OGDH: variants seen among roughly 807,000 people sequenced by gnomAD.
The protein encoded by OGDH is oxoglutarate dehydrogenase.
Under a neutral mutation model 116.6 loss-of-function variants are expected in OGDH, and 38 were observed. That is an observed-to-expected ratio of 0.33 (90% CI 0.25 to 0.43). The LOEUF is 0.43. OGDH is among the 20% of genes least tolerant of loss of function. OGDH has a pLI of 1.00. For synonymous variants in OGDH, 488 were observed against 533.3 expected (o/e 0.92, Z 1.17); for missense variants, 825 against 1,357.2 (o/e 0.61, Z 6.16).
chr7:44,671,654 GC>G (rs903131305), intron 5 of OGDH, among the ~76,000 whole-genome samples: 5 of 151,248 alleles, frequency 3.3e-5, no homozygotes, highest in Non-Finnish European at 7.4e-5. Context: ...TATAGTCCCA[GC>G]TACTCGGGAG....
chr7:44,685,029 G>A (rs1031956348), intron 10 of OGDH, among the ~76,000 whole-genome samples: 18 of 151,998 alleles, frequency 1.2e-4, no homozygotes, highest in African/African-American at 3.4e-4. Context: ...CTCATGATCC[G>A]CCTGCTTCAG....
At chr7:44,670,321 A>T (rs1210158760) in intron 5 of OGDH, among the ~76,000 whole-genome samples, 1 of 152,204 alleles carries the variant, frequency 6.6e-6, no homozygotes. Flanking sequence ...AAACAGCAGT[A>T]GTGATGAAGG....
intron 9 of OGDH, among the ~76,000 whole-genome samples, chr7:44,679,383 G>A (rs78833140): frequency 0.01 from 1,582 of 152,270 alleles, 24 homozygotes; most frequent in African/African-American, 0.036. Context: ...AGATCCTTAC[G>A]TCCACATGCT....
chr7:44,633,616 A>G (rs79271269), intron 2 of OGDH, among the ~76,000 whole-genome samples: 1,613 of 152,210 alleles, frequency 0.011, 28 homozygotes, highest in African/African-American at 0.037. Context: ...CGCGTCCATG[A>G]TTGGATCGTG....
intron 1 of OGDH, among the ~76,000 whole-genome samples, chr7:44,613,973 A>T (rs770831422): frequency 6.7e-6 from 1 of 149,860 alleles, no homozygotes; most frequent in Non-Finnish European, 1.5e-5. Context: ...CTCCCAGCTA[A>T]TTTTGTATTT....
Position 44,697,240 on chromosome 7 carries a change from G to T in OGDH, c.2052-130G>T, listed in dbSNP as rs1788626901. 6.8e-7 allele frequency: 1 copy of T among 1,472,796 alleles called. No homozygotes were observed. The allele number at this position is 1,472,796 out of a possible 1,614,324, so 91.2% of individuals were successfully genotyped here. A position where few individuals can be genotyped will look rare whatever the true frequency, so the allele number is the denominator to read the frequency against. ...CTTCTGTTAAGACCTGGGTGGGGCCGACCCTGCAGCTGCCTGGCCAGAAGT... is the reference window on the plus strand; with the variant it reads ...CTTCTGTTAAGACCTGGGTGGGGCCTACCCTGCAGCTGCCTGGCCAGAAGT... On this transcript the variant is annotated intron_variant, in intron 15 of 22. Coordinates refer to ENST00000222673, the MANE Select transcript of OGDH (RefSeq NM_002541.4). This position sits in a 1 kb window ranked among gnomAD's most constrained non-coding sequence, Gnocchi z 6.0.
intron 2 of OGDH, among the ~76,000 whole-genome samples, chr7:44,644,878 C>T (rs1786099103): frequency 6.6e-6 from 1 of 152,180 alleles, no homozygotes; most frequent in African/African-American, 2.4e-5. Context: ...CACAGAAAAA[C>T]TGGTAGAGTT....
intron 4 of OGDH, 145 bp from the exon 5 acceptor site, chr7:44,666,591 C>T: frequency 2.5e-6 from 1 of 403,908 alleles, no homozygotes; most frequent in Non-Finnish European, 4.4e-6. Flanking sequence ...ACTTATTTCA[C>T]ATATATCAGG....
In OGDH at chr7:44,669,145, CTTTTTTTTTT is replaced by C. The variant is rs869250474; in HGVS notation, c.633+2310_633+2319del. ...GAGTCCCCTGTGGGGAGCCCGGCAGCTTTTTTTTTTTTTTTTTTTTTTTTTGAGACAGGGT... is the reference window on the plus strand; with the variant it reads ...GAGTCCCCTGTGGGGAGCCCGGCAGCTTTTTTTTTTTTTTTGAGACAGGGT... On this transcript the variant is annotated intron_variant, in intron 5 of 22. Coordinates refer to ENST00000222673, the MANE Select transcript of OGDH (RefSeq NM_002541.4). Among the ~76,000 whole-genome samples the C allele has an allele frequency of 2.6e-4, 20 of 77,806 alleles. 1 individual carries two copies. The East Asian group carries it at 7.5e-3, about 29-fold the overall frequency. The allele number at this position is 77,806 out of a possible 152,430, so 51.0% of individuals were successfully genotyped here.
In OGDH at chr7:44,673,935, C is replaced by G; in HGVS notation, c.782C>G (p.Ser261Cys). Reference protein sequence around the residue: ...KRTLLARLVRSTRFEEFLQRK... With the variant: ...KRTLLARLVRCTRFEEFLQRK... ...ACCCTGCTGGCCAGGCTTGTGCGGT[C>G]CACCAGGTATGGGTCTGGCCCTGGG... Residue 261 changes from serine to cysteine, a missense_variant, in exon 6 of 23, where the codon TCC becomes TGC. Transcript: ENST00000222673. 2 of 1,614,194 alleles carry G rather than the reference C, an allele frequency of 1.2e-6. No homozygotes were observed. Among genetic ancestry groups the G allele is most frequent in the Non-Finnish European group, 1.7e-6 (2 of 1,180,026 alleles).
intron 1 of OGDH, among the ~76,000 whole-genome samples, chr7:44,614,058 G>C (rs148780799): frequency 6.6e-6 from 1 of 151,892 alleles, no homozygotes; most frequent in Admixed American, 6.6e-5. Flanking sequence ...CGCTCGCCTC[G>C]GCCTCCCAAA....
intron 6 of OGDH, 22 bp downstream of exon 6, chr7:44,673,963 A>T: frequency 6.2e-7 from 1 of 1,613,656 alleles, no homozygotes; most frequent in Admixed American, 1.7e-5. Flanking sequence ...GCCCTGGGCC[A>T]TGGGGCAGAC....
In OGDH at chr7:44,707,026, A is replaced by C. The variant is rs1376408049; in HGVS notation, c.2633-199A>C. ...CCAGAGCTGGCCATGTCTGCTGTGT[A>C]TTTGTTACACGTAACGTGCTTTTCA... is the stretch of plus-strand genomic sequence containing the variant. On this transcript the variant is annotated intron_variant, in intron 20 of 22. Transcript: ENST00000222673. This position sits in a 1 kb window ranked among gnomAD's most constrained non-coding sequence, Gnocchi z 5.2. Among the ~76,000 whole-genome samples, 1 of 152,184 alleles carries C rather than the reference A, an allele frequency of 6.6e-6. No homozygotes were observed. The highest frequency in any genetic ancestry group is 1.5e-5 in the Non-Finnish European group (1 of 68,034).
In OGDH at chr7:44,674,863, G is replaced by C. The variant is rs182540941; in HGVS notation, c.935+306G>C. On this transcript the variant is annotated intron_variant, in intron 7 of 22. Coordinates refer to ENST00000222673, the MANE Select transcript of OGDH (RefSeq NM_002541.4). ...TGTTGGGGTCTAACCTGGAGGGAAG[G>C]CTGCTTCCTGACATTGAAGGGGAGG... 14 of 530,828 alleles carry C rather than the reference G, an allele frequency of 2.6e-5. No individual in the cohort carries two copies. The East Asian group carries it at 3.9e-4, about 15-fold the overall frequency. The allele number at this position is 530,828 out of a possible 1,614,324, so 32.9% of individuals were successfully genotyped here. A position where few individuals can be genotyped will look rare whatever the true frequency, so the allele number is the denominator to read the frequency against.
At chr7:44,665,986 G>A (rs932117244) in intron 4 of OGDH, among the ~76,000 whole-genome samples, 6 of 152,208 alleles carry the variant, frequency 3.9e-5, no homozygotes, top group Admixed American at 2.6e-4. Flanking sequence ...GTGCTGCAGC[G>A]AATATTAGTG....
rs1468767356 is a variant in OGDH at position 44,696,910 on chromosome 7, G to A, written c.1901-4G>A. 3.1e-6 allele frequency: 5 copies of A among 1,605,324 alleles called. No individual in the cohort carries two copies. Among genetic ancestry groups the A allele is most frequent in the Non-Finnish European group, 4.3e-6 (5 of 1,175,092 alleles). ...AGCAGCTGGTGAGAGCTGTGTCTCT[G>A]CAGGGCTGAGCCGGATCTTGAAGAC... On this transcript the variant is annotated splice_region_variant and splice_polypyrimidine_tract_variant and intron_variant, in intron 14 of 22. Coordinates refer to ENST00000222673, the MANE Select transcript of OGDH (RefSeq NM_002541.4).
At chr7:44,695,967 G>A in intron 12 of OGDH, 58 bp from the exon 13 acceptor site, 1 of 913,738 alleles carries the variant, frequency 1.1e-6, no homozygotes, top group Non-Finnish European at 1.8e-6. Flanking sequence ...GGTACAGGTG[G>A]GCGTGTGCAG....
chr7:44,704,224 G>T (rs769664596), intron 20 of OGDH, among the ~76,000 whole-genome samples: 6 of 152,036 alleles, frequency 3.9e-5, no homozygotes, highest in African/African-American at 7.3e-5. Flanking sequence ...CTATTTTCTG[G>T]TTTTTTCATA....
intron 20 of OGDH, among the ~76,000 whole-genome samples, chr7:44,702,402 A>C (rs904462082): frequency 3.3e-5 from 5 of 152,114 alleles, no homozygotes; most frequent in Non-Finnish European, 5.9e-5. Context: ...GAGACCCATA[A>C]CATTGAGATT....
Sources: gnomAD v4.1 joint callset for allele counts (sites outside exome capture counted in the v4.1 genomes callset) on GRCh38, gnomAD v4.1.1 for gene constraint, Gnocchi (gnomAD v3.1) non-coding constraint, MANE v1.5 for transcripts, NCBI Gene and HGNC (gene_info 2026-07-23, HGNC 2026-07-21) for gene names.